The following CUX2 variants were observed in gnomAD, a reference collection of about 807,000 sequenced individuals.
CUX2 encodes cut like homeobox 2.
Under a neutral mutation model 144.8 loss-of-function variants are expected in CUX2, and 40 were observed. The ratio of observed to expected loss-of-function variants is 0.28; its 90% CI spans 0.21 to 0.36. The LOEUF (loss-of-function observed/expected upper bound fraction) is 0.36. CUX2 is among the 10% of genes least tolerant of loss of function. The probability of loss-of-function intolerance (pLI) is 1.00; values close to 1 mark genes in which losing one functional copy is unlikely to be tolerated. For missense variants in CUX2, 1,615 were observed against 1,994.0 expected (o/e 0.81, Z 3.62); for synonymous variants, 827 against 875.6 (o/e 0.94, Z 0.98).
At chr12:111,318,254 T>C (rs982486332) in intron 16 of CUX2, among the ~76,000 whole-genome samples, 2 of 147,912 alleles carry the variant, frequency 1.4e-5, no homozygotes, top group African/African-American at 5.0e-5. Context: ...TCTTTTTTTT[T>C]TTTTTTTCAC....
rs531249267 is a variant in CUX2 at position 111,247,844 on chromosome 12, C to T, written c.223-15917C>T. On this transcript the variant is annotated intron_variant, in intron 3 of 21. Transcript: ENST00000261726. ...CCCTTTGGCCAGAAATTCCAAGAACCGTCTGTGGCCTGGCCAACCTCACCC... is the reference window on the plus strand; with the variant it reads ...CCCTTTGGCCAGAAATTCCAAGAACTGTCTGTGGCCTGGCCAACCTCACCC... 6.6e-5 allele frequency among the ~76,000 whole-genome samples: 10 copies of T among 152,302 alleles called. No individual in the cohort carries two copies. In the South Asian group the frequency reaches 1.9e-3, roughly 28 times the overall value.
At chr12:111,147,093 C>T (rs1325579886) in intron 1 of CUX2, among the ~76,000 whole-genome samples, 2 of 152,170 alleles carry the variant, frequency 1.3e-5, no homozygotes, top group African/African-American at 4.8e-5. Flanking sequence ...CGAGATCATG[C>T]CATGCACTGT....
chr12:111,330,267 C>T (rs1279015490), intron 18 of CUX2, among the ~76,000 whole-genome samples: 22 of 152,106 alleles, frequency 1.4e-4, no homozygotes, highest in Admixed American at 1.4e-3. Context: ...TGAAATTACT[C>T]CATAGGCATC....
intron 4 of CUX2, among the ~76,000 whole-genome samples, chr12:111,264,195 A>C (rs1884267643): frequency 6.6e-6 from 1 of 152,200 alleles, no homozygotes; most frequent in Non-Finnish European, 1.5e-5. Flanking sequence ...TGCAGGTGGC[A>C]ATAGAGGCAA....
intron 3 of CUX2, among the ~76,000 whole-genome samples, chr12:111,239,375 CAG>C (rs1385310165): frequency 9.2e-5 from 14 of 152,182 alleles, no homozygotes; most frequent in African/African-American, 2.9e-4. Flanking sequence ...TGCCTTGCTG[CAG>C]AGTCACCAAG....
intron 1 of CUX2, among the ~76,000 whole-genome samples, chr12:111,152,123 A>C (rs1877086393): frequency 6.6e-6 from 1 of 152,014 alleles, no homozygotes; most frequent in Admixed American, 6.5e-5. Flanking sequence ...CATCTTTACA[A>C]AAATACAAAA....
intron 1 of CUX2, among the ~76,000 whole-genome samples, chr12:111,173,759 A>G (rs1290735279): frequency 6.6e-6 from 1 of 151,944 alleles, no homozygotes; most frequent in Non-Finnish European, 1.5e-5. Context: ...ATCACCTGAA[A>G]TTTCCTTGAA....
At chr12:111,042,466 A>G (rs1357821573) in intron 1 of CUX2, among the ~76,000 whole-genome samples, 2 of 152,132 alleles carry the variant, frequency 1.3e-5, no homozygotes, top group African/African-American at 2.4e-5. Context: ...ACCCCCAAAG[A>G]CTACCTGGAC....
chr12:111,314,835 C>T (rs1396906526), intron 16 of CUX2, among the ~76,000 whole-genome samples: 2 of 151,668 alleles, frequency 1.3e-5, no homozygotes, highest in Non-Finnish European at 2.9e-5. Context: ...GAGTGAGATG[C>T]TGTCTCAAAA....
At position 111,293,514 on chromosome 12, in the gene CUX2, G is replaced by A. The variant is rs772998297; in HGVS notation, c.505G>A (p.Gly169Arg). Residue 169 changes from glycine to arginine, a missense_variant, in exon 6 of 22, where the codon GGG (glycine) becomes AGG (arginine). Physicochemically the swap from Gly to Arg is moderately radical, Grantham distance 125 (BLOSUM62 -2). Around this residue, in one of 12 missense-constraint regions of CUX2, gnomAD observed 295 missense variants for 400.2 expected, o/e 0.74. Coordinates refer to ENST00000261726, the MANE Select transcript of CUX2 (RefSeq NM_015267.4). This position sits in a 1 kb window ranked among gnomAD's most constrained non-coding sequence, Gnocchi z 4.5. Reference protein sequence around the residue: ...TEGSRLPGIPGKALLTETLLQ... With the variant: ...TEGSRLPGIPRKALLTETLLQ... ...GGGAAGCCGCCTCCCAGGCATTCCC[G>A]GGAAAGCCCTCCTGACAGAAACCTT... The A allele has an allele frequency of 1.2e-5, 20 of 1,604,158 alleles. No homozygotes were observed. The highest frequency in any genetic ancestry group is 1.0e-4 in the Admixed American group (6 of 58,052).
Position 111,295,256 on chromosome 12 carries a change from A to G in CUX2, c.561-77A>G. 1 of 1,365,000 alleles carries G rather than the reference A, an allele frequency of 7.3e-7. No individual in the cohort carries two copies. The highest frequency in any genetic ancestry group is 1.0e-6 in the Non-Finnish European group (1 of 980,546). The allele number at this position is 1,365,000 out of a possible 1,614,324, so 84.6% of individuals were successfully genotyped here. On this transcript the variant is annotated intron_variant, in intron 6 of 21. Transcript: ENST00000261726. This position sits in a 1 kb window ranked among gnomAD's most constrained non-coding sequence, Gnocchi z 5.0. Reference sequence around the variant, plus strand: ...AGGGAGTGGGCAAGGGGTAGGAAGCAAGATGGGGCTCGACTCGGGGGCCCC... The same window carrying G: ...AGGGAGTGGGCAAGGGGTAGGAAGCGAGATGGGGCTCGACTCGGGGGCCCC...
At chr12:111,135,869 T>G (rs1875849416) in intron 1 of CUX2, among the ~76,000 whole-genome samples, 1 of 152,182 alleles carries the variant, frequency 6.6e-6, no homozygotes, top group Non-Finnish European at 1.5e-5. Context: ...CTTGGGGTGA[T>G]GAAATGTTCT....
chr12:111,146,612 C>A (rs1443670710), intron 1 of CUX2, among the ~76,000 whole-genome samples: 1 of 116,240 alleles, frequency 8.6e-6, no homozygotes, highest in Admixed American at 9.9e-5. Context: ...TACAGAAGAG[C>A]AAGCAAAGCG....
chr12:111,280,532 C>T (rs1211128749), intron 4 of CUX2, among the ~76,000 whole-genome samples: 1 of 152,198 alleles, frequency 6.6e-6, no homozygotes, highest in East Asian at 1.9e-4. Flanking sequence ...TGCCCCATTA[C>T]CACAAACTGG....
At chr12:111,207,027 T>C (rs899865892) in intron 1 of CUX2, among the ~76,000 whole-genome samples, 26 of 152,122 alleles carry the variant, frequency 1.7e-4, no homozygotes, top group African/African-American at 5.1e-4. Context: ...GTTGGGTAGA[T>C]AGATGTATGA....
intron 4 of CUX2, among the ~76,000 whole-genome samples, chr12:111,284,998 G>A (rs913201066): frequency 2.0e-5 from 3 of 152,130 alleles, no homozygotes; most frequent in Non-Finnish European, 4.4e-5. Flanking sequence ...CTAAGCCACA[G>A]GGTTTCCTTT....
chr12:111,280,170 T>C (rs1885055916), intron 4 of CUX2, among the ~76,000 whole-genome samples: 1 of 151,842 alleles, frequency 6.6e-6, no homozygotes, highest in Non-Finnish European at 1.5e-5. Context: ...ACGCCTGTAA[T>C]CTCAGCTACT....
intron 5 of CUX2, among the ~76,000 whole-genome samples, chr12:111,291,805 A>C (rs12311936): frequency 3.4e-4 from 52 of 152,222 alleles, no homozygotes; most frequent in African/African-American, 1.2e-3. Flanking sequence ...CAAATTAGTA[A>C]GACTCATAGT....
chr12:111,159,104 C>A (rs2136148293), intron 1 of CUX2, among the ~76,000 whole-genome samples: 1 of 152,252 alleles, frequency 6.6e-6, no homozygotes, highest in Non-Finnish European at 1.5e-5. Flanking sequence ...TGATAGTACC[C>A]ACCTGAGAGC....
Sources: gnomAD v4.1 joint callset for allele counts (sites outside exome capture counted in the v4.1 genomes callset) on GRCh38, gnomAD v4.1.1 for gene constraint, gnomAD v4.1.1 regional missense constraint, Gnocchi (gnomAD v3.1) non-coding constraint, MANE v1.5 for transcripts, NCBI Gene and HGNC (gene_info 2026-07-23, HGNC 2026-07-21) for gene names.